GRID2: variants seen among roughly 807,000 people sequenced by gnomAD.
The protein encoded by GRID2 is glutamate receptor ionotropic, delta-2.
In GRID2, 33 loss-of-function variants were observed where a neutral mutation model predicts 114.8. The ratio of observed to expected loss-of-function variants is 0.29; its 90% CI spans 0.22 to 0.38. The LOEUF is 0.38. Among genes scored for constraint, GRID2 ranks in the 10% least tolerant of loss-of-function variants. The pLI, the probability that GRID2 is intolerant of heterozygous loss-of-function variation, is 1.00. For synonymous variants in GRID2, 505 were observed against 449.9 expected (o/e 1.12, Z -1.55); for missense variants, 1,184 against 1,257.7 (o/e 0.94, Z 0.89).
At chr4:93,411,950 A>G (rs1407340037) in intron 9 of GRID2, among the ~76,000 whole-genome samples, 3 of 150,676 alleles carry the variant, frequency 2.0e-5, no homozygotes, top group Non-Finnish European at 4.4e-5. Context: ...TTAAAAAAAA[A>G]AAAAGAAAAA....
At chr4:93,295,292 C>A (rs1754176321) in intron 8 of GRID2, among the ~76,000 whole-genome samples, 1 of 152,002 alleles carries the variant, frequency 6.6e-6, no homozygotes, top group Non-Finnish European at 1.5e-5. Context: ...GATTTTCCAA[C>A]ATTAAGAGGT....
chr4:92,428,035 G>A (rs1732244122), intron 1 of GRID2, among the ~76,000 whole-genome samples: 1 of 152,054 alleles, frequency 6.6e-6, no homozygotes, highest in East Asian at 1.9e-4. Flanking sequence ...GGCTGAGGCG[G>A]GCGGATCATG....
chr4:93,280,980 T>C (rs769317398), intron 8 of GRID2, among the ~76,000 whole-genome samples: 249 of 151,882 alleles, frequency 1.6e-3, no homozygotes, highest in Non-Finnish European at 3.0e-3. Flanking sequence ...GGGGATGTGG[T>C]TTACATTCAG....
chr4:92,708,491 A>G (rs1227228039), intron 2 of GRID2, among the ~76,000 whole-genome samples: 1 of 152,116 alleles, frequency 6.6e-6, no homozygotes, highest in African/African-American at 2.4e-5. Flanking sequence ...ATGGGTTTGT[A>G]TCTTAGCTCC....
intron 4 of GRID2, among the ~76,000 whole-genome samples, chr4:93,182,338 T>TA (rs968511535): frequency 3.3e-5 from 5 of 152,118 alleles, no homozygotes; most frequent in Non-Finnish European, 7.4e-5. Flanking sequence ...TCCATTAACT[T>TA]AAAAAAATGA....
chr4:92,866,887 C>A (rs1475629947), intron 2 of GRID2, among the ~76,000 whole-genome samples: 11 of 152,110 alleles, frequency 7.2e-5, no homozygotes, highest in Non-Finnish European at 1.5e-4. Context: ...CTCACATATT[C>A]TCTGGCATAT....
chr4:92,610,727 G>A lies in GRID2; in HGVS notation c.244+20441G>A, dbSNP rs76796741. On this transcript the variant is annotated intron_variant, in intron 2 of 15. Transcript: ENST00000282020. ...CAAGCTCTCTCAAGTCCAATCAATT[G>A]ACAGTTCCATACTACCTTCAAGCCA... 1.8e-3 allele frequency among the ~76,000 whole-genome samples: 275 copies of A among 151,650 alleles called. 5 individuals are homozygous for A. In the East Asian group the frequency reaches 0.033, roughly 18 times the overall value.
intron 1 of GRID2, among the ~76,000 whole-genome samples, chr4:92,510,110 T>A (rs911383212): frequency 2.1e-4 from 32 of 152,000 alleles, no homozygotes; most frequent in African/African-American, 7.7e-4. Flanking sequence ...TACAATAATC[T>A]GAGAGGGTGG....
chr4:93,556,594 A>C (rs998020142), intron 13 of GRID2, among the ~76,000 whole-genome samples: 3 of 152,192 alleles, frequency 2.0e-5, no homozygotes, highest in South Asian at 2.1e-4. Flanking sequence ...GAAATATGGG[A>C]CTATGTGAAA....
At chr4:92,899,892 C>G (rs1012189521) in intron 2 of GRID2, among the ~76,000 whole-genome samples, 2 of 152,034 alleles carry the variant, frequency 1.3e-5, no homozygotes, top group Non-Finnish European at 2.9e-5. Flanking sequence ...TCACAAAGAT[C>G]AGGTTTATGG....
At chr4:92,725,084 T>C (rs1050601263) in intron 2 of GRID2, among the ~76,000 whole-genome samples, 5 of 152,016 alleles carry the variant, frequency 3.3e-5, no homozygotes, top group African/African-American at 1.2e-4. Flanking sequence ...GTGGATCACT[T>C]GAGGCTGGGA....
chr4:92,904,108 T>G (rs991128161), intron 2 of GRID2, among the ~76,000 whole-genome samples: 3 of 151,870 alleles, frequency 2.0e-5, no homozygotes, highest in Non-Finnish European at 4.4e-5. Context: ...TTCCTCACTT[T>G]CAACTTTAAA....
intron 2 of GRID2, among the ~76,000 whole-genome samples, chr4:92,972,104 T>A (rs1215548868): frequency 1.3e-5 from 2 of 152,104 alleles, no homozygotes; most frequent in African/African-American, 4.8e-5. Context: ...TAGTTTTTTT[T>A]TCTCAGAAAC....
intron 2 of GRID2, among the ~76,000 whole-genome samples, chr4:93,066,401 A>G (rs1032834273): frequency 2.6e-5 from 4 of 151,958 alleles, no homozygotes; most frequent in Non-Finnish European, 5.9e-5. Context: ...GGACAAATTA[A>G]TATTCAATCA....
chr4:93,767,914 T>C (rs1006714107), intron 14 of GRID2, among the ~76,000 whole-genome samples: 4 of 152,202 alleles, frequency 2.6e-5, no homozygotes, highest in African/African-American at 9.7e-5. Context: ...TTTGATATAA[T>C]ATATTCTATG....
intron 8 of GRID2, among the ~76,000 whole-genome samples, chr4:93,341,749 G>A (rs887444651): frequency 3.3e-5 from 5 of 152,140 alleles, no homozygotes; most frequent in Non-Finnish European, 5.9e-5. Flanking sequence ...TTGCCTAGGA[G>A]TTGTGGGATT....
At chr4:93,800,721 G>C (rs1734911500) in intron 1 of GRID2, among the ~76,000 whole-genome samples, 1 of 152,108 alleles carries the variant, frequency 6.6e-6, no homozygotes, top group Admixed American at 6.6e-5. Context: ...AGTGATGAAA[G>C]TTATTTTATA....
In GRID2 at chr4:93,215,787, AT is replaced by A. The variant is rs796335031; in HGVS notation, c.790-943del. On this transcript the variant is annotated intron_variant, in intron 5 of 15. Transcript: ENST00000282020. ...ACCTATGAATTATCTGTTTTCTTTC[AT>A]TTTTTTTGTAATAATTTCTTAGATC... Among the ~76,000 whole-genome samples the A allele has an allele frequency of 5.5e-4, 83 of 151,898 alleles. No homozygotes were observed. In the South Asian group the frequency reaches 8.3e-3, roughly 15 times the overall value.
intron 14 of GRID2, among the ~76,000 whole-genome samples, chr4:93,668,707 G>C (rs940416707): frequency 6.6e-6 from 1 of 152,032 alleles, no homozygotes; most frequent in African/African-American, 2.4e-5. Flanking sequence ...GGCAAGGTAG[G>C]ATGGGCCAGG....
Sources: gnomAD v4.1 joint callset for allele counts (sites outside exome capture counted in the v4.1 genomes callset) on GRCh38, gnomAD v4.1.1 for gene constraint, MANE v1.5 for transcripts, NCBI Gene and HGNC (gene_info 2026-07-23, HGNC 2026-07-21) for gene names.